IL1RAPL1: variants seen among roughly 807,000 people sequenced by gnomAD.
IL1RAPL1 encodes interleukin 1 receptor accessory protein like 1, also known as interleukin-1 receptor accessory protein-like 1.
Under a neutral mutation model 48.4 loss-of-function variants are expected in IL1RAPL1, and 3 were observed. That is an observed-to-expected ratio of 0.06 (90% CI 0.03 to 0.16). The LOEUF (loss-of-function observed/expected upper bound fraction) is 0.16, where lower values mean the gene tolerates loss of function less well. Among genes scored for constraint, IL1RAPL1 ranks in the 10% least tolerant of loss-of-function variants. The pLI is 1.00. For synonymous variants in IL1RAPL1, 185 were observed against 187.7 expected (o/e 0.99, Z 0.12); for missense variants, 349 against 530.6 (o/e 0.66, Z 3.36).
chrX:29,693,069 G>A (rs1926815685), intron 6 of IL1RAPL1, among the ~76,000 whole-genome samples: 1 of 112,160 alleles, frequency 8.9e-6, no homozygotes, highest in African/African-American at 3.2e-5. Context: ...CTGCAGTGCA[G>A]AGACTCTCTT....
At chrX:29,594,336 C>A (rs1923474409) in intron 5 of IL1RAPL1, among the ~76,000 whole-genome samples, 1 of 111,600 alleles carries the variant, frequency 9.0e-6, no homozygotes, top group Non-Finnish European at 1.9e-5. Flanking sequence ...TGTAGGGATA[C>A]CTTCACCTTT....
chrX:28,945,223 C>T (rs926665990), intron 2 of IL1RAPL1, among the ~76,000 whole-genome samples: 5 of 111,058 alleles, frequency 4.5e-5, no homozygotes, highest in African/African-American at 1.6e-4. Context: ...ACCAGAAATA[C>T]CATTTGACCC....
chrX:29,802,811 G>GTATA lies in IL1RAPL1; in HGVS notation c.779-114652_779-114651insATAT, dbSNP rs1929978047. Among the ~76,000 whole-genome samples, 5 of 38,944 alleles carry GTATA rather than the reference G, an allele frequency of 1.3e-4. No individual in the cohort carries two copies. In the Admixed American group the frequency reaches 1.3e-3, roughly 10 times the overall value. 33.8% of individuals were successfully genotyped at this position (38,944 alleles called of 115,157 possible). On this transcript the variant is annotated intron_variant, in intron 6 of 10. Transcript: ENST00000378993. ...TGTGTGTATATATATATATATATAT[G>GTATA]TGTGTATATATATGTATACATATAT...
intron 3 of IL1RAPL1, among the ~76,000 whole-genome samples, chrX:29,360,913 A>G (rs1266268878): frequency 8.9e-6 from 1 of 112,132 alleles, no homozygotes; most frequent in Admixed American, 9.5e-5. Context: ...AAATTCTGAT[A>G]CATCTTTCTT....
chrX:28,862,098 C>G (rs1356567619), intron 2 of IL1RAPL1, among the ~76,000 whole-genome samples: 3 of 111,674 alleles, frequency 2.7e-5, no homozygotes, highest in Admixed American at 1.9e-4. Context: ...TAATTTATAT[C>G]TAAAGTGTTA....
chrX:29,803,310 C>CATGTATATATGTATACATGTATACACAT (rs772139022), intron 6 of IL1RAPL1, among the ~76,000 whole-genome samples: 47 of 18,610 alleles, frequency 2.5e-3, no homozygotes, highest in East Asian at 0.011. Flanking sequence ...CATATACACA[C>CATGTATATATGTATACATGTATACACAT]ATGTATATAT....
chrX:28,762,788 A>ACG lies in IL1RAPL1; in HGVS notation c.-24-26531_-24-26530insGC, dbSNP rs1936188742. The stretch of plus-strand genomic sequence containing the variant: ...TAAAATCTAATACGCACGCGCGCGC[A>ACG]CACACACACACACACACACACACAC... On this transcript the variant is annotated intron_variant, in intron 1 of 10. Coordinates refer to ENST00000378993, the MANE Select transcript of IL1RAPL1 (RefSeq NM_014271.4). Among the ~76,000 whole-genome samples the ACG allele has an allele frequency of 6.4e-5, 3 of 46,709 alleles. No homozygotes were observed. The South Asian group carries it at 4.1e-3, about 64-fold the overall frequency. 40.6% of individuals were successfully genotyped at this position (46,709 alleles called of 115,157 possible). A position where few individuals can be genotyped will look rare whatever the true frequency, so the allele number is the denominator to read the frequency against.
chrX:28,654,093 G>A (rs1270612267), intron 1 of IL1RAPL1, among the ~76,000 whole-genome samples: 1 of 110,110 alleles, frequency 9.1e-6, no homozygotes, highest in Non-Finnish European at 1.9e-5. Context: ...GCTAAGGCAG[G>A]AGTGAATAGT....
At chrX:29,733,614 A>G (rs1403346791) in intron 6 of IL1RAPL1, among the ~76,000 whole-genome samples, 1 of 112,353 alleles carries the variant, frequency 8.9e-6, no homozygotes, top group Non-Finnish European at 1.9e-5. Context: ...TATTAAATAT[A>G]ATTAAAAATC....
chrX:29,517,393 A>G (rs1054206334), intron 5 of IL1RAPL1, among the ~76,000 whole-genome samples: 1 of 110,573 alleles, frequency 9.0e-6, no homozygotes, highest in Admixed American at 9.7e-5. Context: ...AATTTCAGCT[A>G]TCGACCTAAA....
chrX:29,000,198 C>T lies in IL1RAPL1; in HGVS notation c.82+210773C>T, dbSNP rs149447481. ...CTCCATCCTCCGCCAATGTTTTTAC[C>T]GGATACTGCATGGCATCCTTCCTAT... On this transcript the variant is annotated intron_variant, in intron 2 of 10. Transcript: ENST00000378993. Among the ~76,000 whole-genome samples, 399 of 111,449 alleles carry T rather than the reference C, an allele frequency of 3.6e-3. 2 individuals are homozygous for T. Among genetic ancestry groups the T allele is most frequent in the Non-Finnish European group, 6.1e-3 (321 of 53,024 alleles).
At chrX:29,548,657 G>T (rs1750760254) in intron 5 of IL1RAPL1, among the ~76,000 whole-genome samples, 1 of 111,843 alleles carries the variant, frequency 8.9e-6, no homozygotes, top group African/African-American at 3.2e-5. Flanking sequence ...CATACTGATT[G>T]TAATGATTGC....
chrX:29,952,449 G>A (rs1933337397), intron 9 of IL1RAPL1, among the ~76,000 whole-genome samples: 1 of 111,990 alleles, frequency 8.9e-6, no homozygotes, highest in South Asian at 3.7e-4. Flanking sequence ...TTATTTGTCT[G>A]CATCTCCTGC....
chrX:28,945,511 A>G (rs1419204368), intron 2 of IL1RAPL1, among the ~76,000 whole-genome samples: 2 of 110,965 alleles, frequency 1.8e-5, no homozygotes, highest in African/African-American at 6.6e-5. Flanking sequence ...CAGAAAGCCA[A>G]ATAACACATG....
At chrX:29,490,852 G>GTGTGTATATATATATATATACGTA (rs1556022575) in intron 5 of IL1RAPL1, among the ~76,000 whole-genome samples, 1 of 93,667 alleles carries the variant, frequency 1.1e-5, no homozygotes. Context: ...GTGTGTGTGT[G>GTGTGTATATATATATATATACGTA]TATATATATA....
intron 5 of IL1RAPL1, among the ~76,000 whole-genome samples, chrX:29,540,915 AC>A (rs1411783055): frequency 8.9e-6 from 1 of 112,042 alleles, no homozygotes; most frequent in East Asian, 2.8e-4. Context: ...TGCAACAAAA[AC>A]AAAAATTGAC....
At chrX:28,981,311 A>C (rs944135418) in intron 2 of IL1RAPL1, among the ~76,000 whole-genome samples, 8 of 108,418 alleles carry the variant, frequency 7.4e-5, no homozygotes, top group Non-Finnish European at 1.1e-4. Context: ...CTAATCATGG[A>C]GTTTAACTTA....
At position 29,917,317 on chromosome X, in the gene IL1RAPL1, A is replaced by C. The variant is rs903875472; in HGVS notation, c.779-147A>C. On this transcript the variant is annotated intron_variant, in intron 6 of 10. Coordinates refer to ENST00000378993, the MANE Select transcript of IL1RAPL1 (RefSeq NM_014271.4). ...AAAGCACACATTCTATCAATTTGAC[A>C]AAGATTGAAAATCCCTGAAAAATTA... The C allele has an allele frequency of 5.6e-6, 3 of 533,683 alleles. No homozygotes were observed. In the African/African-American group the frequency reaches 7.1e-5, roughly 13 times the overall value. The allele number at this position is 533,683 out of a possible 1,213,427, so 44.0% of individuals were successfully genotyped here.
At chrX:29,283,729 A>G (rs772760919) in intron 3 of IL1RAPL1, among the ~76,000 whole-genome samples, 62 of 112,155 alleles carry the variant, frequency 5.5e-4, no homozygotes, top group Non-Finnish European at 1.1e-3. Context: ...TTGCTAACCA[A>G]AACTTCTGGG....
Sources: allele counts gnomAD v4.1 joint callset (sites outside exome capture counted in the v4.1 genomes callset), GRCh38; gene constraint gnomAD v4.1.1; transcripts MANE v1.5; gene names NCBI Gene and HGNC (gene_info 2026-07-23, HGNC 2026-07-21).